The following CNTN5 variants were observed in gnomAD, a reference collection of about 807,000 sequenced individuals.
CNTN5 encodes the protein contactin 5.
CNTN5 carries 77 observed loss-of-function variants against 129.1 expected under a neutral mutation model. The observed-to-expected ratio is 0.60, with a 90% confidence interval of 0.50 to 0.72. The LOEUF (loss-of-function observed/expected upper bound fraction) is 0.72, where lower values mean the gene tolerates loss of function less well. CNTN5 is among the 30% of genes least tolerant of loss of function. The probability of loss-of-function intolerance (pLI) is 0.00; values close to 1 mark genes in which losing one functional copy is unlikely to be tolerated. For missense variants in CNTN5, 1,478 were observed against 1,328.8 expected, an observed-to-expected ratio of 1.11 and a Z score of -1.75; for synonymous variants, 509 against 465.6, an observed-to-expected ratio of 1.09 and a Z score of -1.20.
intron 24 of CNTN5, among the ~76,000 whole-genome samples, chr11:100,351,918 T>TA (rs1260656602): frequency 6.6e-6 from 1 of 151,540 alleles, no homozygotes; most frequent in Admixed American, 6.6e-5. Context: ...TTTTTTTTTT[T>TA]ATGCCACCAA....
intron 6 of CNTN5, among the ~76,000 whole-genome samples, chr11:99,852,890 A>G (rs1947916888): frequency 1.3e-5 from 2 of 152,274 alleles, no homozygotes; most frequent in South Asian, 4.1e-4. Context: ...ACCTTTCCCA[A>G]GCATAGGAGA....
At chr11:99,546,010 T>TA (rs1948279836) in intron 2 of CNTN5, among the ~76,000 whole-genome samples, 2 of 151,892 alleles carry the variant, frequency 1.3e-5, no homozygotes, top group Non-Finnish European at 2.9e-5. Flanking sequence ...CAGTAGGAAA[T>TA]GAAAAAGTCA....
intron 14 of CNTN5, 33 bp from the exon 15 acceptor site, chr11:100,193,455 A>C (rs201679477): frequency 7.0e-5 from 92 of 1,320,700 alleles, no homozygotes; most frequent in Non-Finnish European, 8.5e-5. Flanking sequence ...CAACAGGTTG[A>C]TTATCTTAAT....
intron 13 of CNTN5, among the ~76,000 whole-genome samples, chr11:100,095,801 T>TTATC (rs1394142593): frequency 6.6e-6 from 1 of 151,834 alleles, no homozygotes; most frequent in Non-Finnish European, 1.5e-5. Flanking sequence ...TAGTCAGTTT[T>TTATC]TATCTACACG....
chr11:100,245,550 A>T (rs187496771), intron 16 of CNTN5, among the ~76,000 whole-genome samples: 2 of 152,234 alleles, frequency 1.3e-5, no homozygotes, highest in Admixed American at 1.3e-4. Context: ...TGAGACAAGT[A>T]GAGTGAATAT....
intron 3 of CNTN5, among the ~76,000 whole-genome samples, chr11:99,719,311 C>T (rs754844150): frequency 6.6e-6 from 1 of 151,784 alleles, no homozygotes; most frequent in Non-Finnish European, 1.5e-5. Context: ...GAGAATGAGA[C>T]TTTGTCGGGA....
intron 7 of CNTN5, among the ~76,000 whole-genome samples, chr11:99,954,109 A>G (rs1451237122): frequency 6.6e-6 from 1 of 152,178 alleles, no homozygotes; most frequent in South Asian, 2.1e-4. Flanking sequence ...ACAAACCTGC[A>G]TGTTCTGCAC....
At chr11:99,528,575 T>A in intron 2 of CNTN5, among the ~76,000 whole-genome samples, 1 of 152,222 alleles carries the variant, frequency 6.6e-6, no homozygotes, top group South Asian at 2.1e-4. Context: ...AAACTTTATC[T>A]TTCACAAATG....
chr11:100,333,886 T>C (rs1175403594), intron 21 of CNTN5, among the ~76,000 whole-genome samples: 1 of 152,116 alleles, frequency 6.6e-6, no homozygotes. Context: ...AAATACTTCA[T>C]GACCAAGAAA....
At chr11:99,595,221 T>C (rs1950089277) in intron 3 of CNTN5, among the ~76,000 whole-genome samples, 1 of 152,210 alleles carries the variant, frequency 6.6e-6, no homozygotes, top group South Asian at 2.1e-4. Context: ...ATGTTGCCAC[T>C]ACAAAAAAAG....
At chr11:99,962,372 T>C (rs2136193093) in intron 8 of CNTN5, among the ~76,000 whole-genome samples, 1 of 147,378 alleles carries the variant, frequency 6.8e-6, no homozygotes, top group South Asian at 2.2e-4. Flanking sequence ...GTGTTCTCAT[T>C]GTTCAATTCC....
intron 8 of CNTN5, among the ~76,000 whole-genome samples, chr11:99,967,280 C>T (rs55657393): frequency 0.018 from 2,799 of 152,220 alleles, 42 homozygotes; most frequent in Non-Finnish European, 0.03. Flanking sequence ...ATTTGAAGTG[C>T]GTAGAAACAC....
chr11:99,469,379 T>C (rs570050699), intron 2 of CNTN5, among the ~76,000 whole-genome samples: 1 of 152,276 alleles, frequency 6.6e-6, no homozygotes, highest in Non-Finnish European at 1.5e-5. Flanking sequence ...TTTCTTACAG[T>C]CCGTAGAGAT....
intron 2 of CNTN5, among the ~76,000 whole-genome samples, chr11:99,348,093 G>T (rs4754602): frequency 0.99 from 150,784 of 152,316 alleles, 74,654 homozygotes; most frequent in East Asian, 1. Flanking sequence ...AAAGATCACT[G>T]CTACTAGCCT....
intron 16 of CNTN5, among the ~76,000 whole-genome samples, chr11:100,252,830 T>C (rs1355703588): frequency 6.6e-6 from 1 of 152,162 alleles, no homozygotes; most frequent in Non-Finnish European, 1.5e-5. Context: ...GCAATTTCCA[T>C]GTAATTGGAC....
intron 1 of CNTN5, among the ~76,000 whole-genome samples, chr11:99,159,905 GC>G (rs1261844241): frequency 1.3e-5 from 2 of 152,044 alleles, no homozygotes; most frequent in Non-Finnish European, 2.9e-5. Context: ...CACAAGAATT[GC>G]TTTAATTGTC....
chr11:99,556,090 C>A (rs766416810), intron 2 of CNTN5, 55 bp from the exon 3 acceptor site: 2 of 482,434 alleles, frequency 4.1e-6, no homozygotes, highest in Non-Finnish European at 7.4e-6. Flanking sequence ...TATTTGTTGG[C>A]TTTTCTGTTT....
intron 8 of CNTN5, among the ~76,000 whole-genome samples, chr11:99,986,355 A>T (rs1455536450): frequency 6.6e-6 from 1 of 152,204 alleles, no homozygotes; most frequent in Non-Finnish European, 1.5e-5. Flanking sequence ...ATAATTTTGA[A>T]CACCGATTTT....
chr11:99,414,613 A>C (rs1411546572), intron 2 of CNTN5, among the ~76,000 whole-genome samples: 2 of 152,060 alleles, frequency 1.3e-5, no homozygotes, highest in Non-Finnish European at 2.9e-5. Context: ...GCAGATAGTG[A>C]TAGGGGTATG....
Sources: allele counts gnomAD v4.1 joint callset (sites outside exome capture counted in the v4.1 genomes callset), GRCh38; gene constraint gnomAD v4.1.1; transcripts MANE v1.5; gene names NCBI Gene and HGNC (gene_info 2026-07-23, HGNC 2026-07-21).